The following ARID1A variants were observed in gnomAD, a reference collection of about 807,000 sequenced individuals.
ARID1A encodes AT-rich interaction domain 1A, also known as AT-rich interactive domain-containing protein 1A.
A neutral mutation model predicts 212.6 loss-of-function variants in ARID1A; 20 were observed. The ratio of observed to expected loss-of-function variants is 0.09; its 90% CI spans 0.07 to 0.14. The LOEUF (loss-of-function observed/expected upper bound fraction) is 0.14. ARID1A is among the 10% of genes least tolerant of loss of function. The pLI is 1.00. For missense variants in ARID1A, 2,587 were observed against 3,059.0 expected, an observed-to-expected ratio of 0.85 and a Z score of 3.64; for synonymous variants, 1,376 against 1,222.1, an observed-to-expected ratio of 1.13 and a Z score of -2.63.
At chr1:26,728,774 T>C (rs577252880) in intron 1 of ARID1A, 8 of 152,260 alleles carry the variant, frequency 5.3e-5, no homozygotes, top group East Asian at 3.9e-4. Context: ...CCAATAGATA[T>C]AGGTAGATAT....
At chr1:26,743,565 G>A (rs112215611) in intron 4 of ARID1A, among the ~76,000 whole-genome samples, 2 of 151,986 alleles carry the variant, frequency 1.3e-5, no homozygotes, top group Admixed American at 6.6e-5. Flanking sequence ...GCTGGGCACG[G>A]TGGCTCACAC....
In ARID1A at chr1:26,762,351, G is replaced by T. The variant is rs748980140; in HGVS notation, c.2419+32G>T. ...ATACTACCCAGTTAGGAGTAGATACGGGTGAGAGGAGAAAACAGTTCCTTG... is the reference window on the plus strand; with the variant it reads ...ATACTACCCAGTTAGGAGTAGATACTGGTGAGAGGAGAAAACAGTTCCTTG... On this transcript the variant is annotated intron_variant, in intron 7 of 19. Coordinates refer to ENST00000324856, the MANE Select transcript of ARID1A (RefSeq NM_006015.6). 124 of 1,594,742 alleles carry T rather than the reference G, an allele frequency of 7.8e-5. 1 individual carries two copies. In the South Asian group the frequency reaches 1.3e-3, roughly 17 times the overall value.
chr1:26,746,144 T>G (rs570843891), intron 4 of ARID1A, among the ~76,000 whole-genome samples: 3 of 152,178 alleles, frequency 2.0e-5, no homozygotes, highest in Non-Finnish European at 4.4e-5. Context: ...TGAACAGATA[T>G]GAGGTTGAGA....
At chr1:26,702,751 A>G (rs2080343264) in intron 1 of ARID1A, among the ~76,000 whole-genome samples, 1 of 152,166 alleles carries the variant, frequency 6.6e-6, no homozygotes, top group Non-Finnish European at 1.5e-5. Context: ...AAAAAAATTG[A>G]AATGGAAAGA....
At chr1:26,718,633 A>C (rs1284011056) in intron 1 of ARID1A, among the ~76,000 whole-genome samples, 1 of 152,300 alleles carries the variant, frequency 6.6e-6, no homozygotes, top group African/African-American at 2.4e-5. Context: ...AATCATCTCT[A>C]GATTACTTAT....
At chr1:26,699,964 T>C (rs1237652250) in intron 1 of ARID1A, among the ~76,000 whole-genome samples, 2 of 152,202 alleles carry the variant, frequency 1.3e-5, no homozygotes, top group African/African-American at 4.8e-5. Flanking sequence ...TGGATGCCTG[T>C]CTGTGCTGCC....
At position 26,774,495 on chromosome 1, in the gene ARID1A, C is replaced by T; in HGVS notation, c.4268C>T (p.Pro1423Leu). 1.2e-6 allele frequency: 2 copies of T among 1,613,640 alleles called. No homozygotes were observed. Among genetic ancestry groups the T allele is most frequent in the East Asian group, 2.2e-5 (1 of 44,870 alleles). ...CAGCAACAAGCTGCCCAGCCTTCCC[C>T]TCAGCAAGATGTATACAACCAGTAT... Reference protein sequence around the residue: ...ASQQQAAQPSPQQDVYNQYGN... With the variant: ...ASQQQAAQPSLQQDVYNQYGN... The change falls in exon 18 of 20, where the codon CCT becomes CTT. Residue 1423 changes from proline to leucine, a missense_variant. Transcript: ENST00000324856. This position sits in a 1 kb window ranked among gnomAD's most constrained non-coding sequence, Gnocchi z 5.6.
chr1:26,712,847 G>C (rs558312221), intron 1 of ARID1A, among the ~76,000 whole-genome samples: 38 of 152,358 alleles, frequency 2.5e-4, no homozygotes, highest in African/African-American at 7.9e-4. Flanking sequence ...GCACAGATGT[G>C]GGAGTTACAG....
intron 1 of ARID1A, among the ~76,000 whole-genome samples, chr1:26,702,484 G>A (rs187192397): frequency 3.9e-5 from 6 of 152,192 alleles, no homozygotes; most frequent in African/African-American, 9.7e-5. Context: ...ATCTTCTATC[G>A]TCTCTGAAGG....
chr1:26,773,580 G>T lies in ARID1A; in HGVS notation c.3867G>T (p.Arg1289Ser), dbSNP rs2124112413. ...AATCTGCCTCTCCAATTTTGTTTAGGACGGAGCCTGGAATAGGGCCTGAGG... is the reference window on the plus strand; with the variant it reads ...AATCTGCCTCTCCAATTTTGTTTAGTACGGAGCCTGGAATAGGGCCTGAGG... Reference protein sequence around the residue: ...YPYGGPYDRVRTEPGIGPEGN... With the variant: ...YPYGGPYDRVSTEPGIGPEGN... The change falls in exon 16 of 20, where the codon AGG becomes AGT. Residue 1289 changes from arginine to serine, a missense_variant and splice_region_variant. By Grantham distance (110) the Arg-to-Ser change is moderately radical. Transcript: ENST00000324856. 6.2e-7 allele frequency: 1 copy of T among 1,614,190 alleles called. No individual in the cohort carries two copies. Among genetic ancestry groups the T allele is most frequent in the African/African-American group, 1.3e-5 (1 of 75,046 alleles).
chr1:26,746,334 C>G (rs747672595), intron 4 of ARID1A, among the ~76,000 whole-genome samples: 4 of 152,150 alleles, frequency 2.6e-5, no homozygotes, highest in Non-Finnish European at 4.4e-5. Context: ...TCACCTTCAC[C>G]TATTCCCCCT....
intron 8 of ARID1A, 109 bp downstream of exon 8, chr1:26,763,394 T>A (rs1429583718): frequency 7.8e-7 from 1 of 1,286,090 alleles, no homozygotes; most frequent in Non-Finnish European, 1.1e-6. Flanking sequence ...AATGGGTGTG[T>A]GTGTATGAAG....
intron 1 of ARID1A, among the ~76,000 whole-genome samples, chr1:26,707,488 T>TGC (rs2124758511): frequency 6.6e-6 from 1 of 152,084 alleles, no homozygotes; most frequent in African/African-American, 2.4e-5. Context: ...ATTACAGGCA[T>TGC]AAGCCACCAC....
intron 4 of ARID1A, among the ~76,000 whole-genome samples, chr1:26,755,909 A>AT (rs1012836302): frequency 4.0e-5 from 6 of 151,528 alleles, no homozygotes; most frequent in East Asian, 3.9e-4. Context: ...ACACCTGGCT[A>AT]TTTTTTTGTG....
rs2124123407 is a variant in ARID1A, at chr1:26,775,117, G to A, written c.4890G>A (p.Val1630=). ...CCTCGCACATAGCACCTGCCCCTGT[G>A]CAGCCCCCCATGATTCGGCGGGATA... ...VPASHIAPAP[V]QPPMIRRDIT... is the part of the protein sequence containing the mutation. The change falls in exon 18 of 20, where the codon GTG becomes GTA. Residue 1630 remains valine (V), a synonymous_variant. Transcript: ENST00000324856. 3.1e-6 allele frequency: 5 copies of A among 1,613,856 alleles called. No homozygotes were observed. The highest frequency in any genetic ancestry group is 2.5e-6 in the Non-Finnish European group (3 of 1,179,940).
At chr1:26,763,377 G>T in intron 8 of ARID1A, 92 bp downstream of exon 8, 1 of 1,364,118 alleles carries the variant, frequency 7.3e-7, no homozygotes, top group Non-Finnish European at 9.8e-7. Context: ...CTAAACCAGG[G>T]GGGGAAAATG....
intron 3 of ARID1A, among the ~76,000 whole-genome samples, chr1:26,731,994 C>T (rs1448095760): frequency 6.6e-6 from 1 of 152,094 alleles, no homozygotes; most frequent in East Asian, 1.9e-4. Flanking sequence ...ACATTCACTC[C>T]AACTGCCATT....
At chr1:26,773,096 T>G in intron 14 of ARID1A, 109 bp downstream of exon 14, 1 of 1,440,580 alleles carries the variant, frequency 6.9e-7, no homozygotes, top group Non-Finnish European at 9.4e-7. Flanking sequence ...TCCTCTGAGA[T>G]AATGCATTTC....
Position 26,781,924 on chromosome 1 carries a change from A to G in ARID1A, c.*1168A>G, listed in dbSNP as rs1044541667. 3.4e-5 allele frequency: 8 copies of G among 233,588 alleles called. No individual in the cohort carries two copies. Among genetic ancestry groups the G allele is most frequent in the African/African-American group, 4.4e-5 (2 of 45,360 alleles). 14.5% of individuals were successfully genotyped at this position (233,588 alleles called of 1,614,324 possible). On this transcript the variant is annotated 3_prime_UTR_variant, in exon 20 of 20. Transcript: ENST00000324856. Reference sequence around the variant, plus strand: ...TCAGTTGAAGTTCTGATGAAGAAACACAATTGAGATTTTTTCAGTGATAAA... The same window carrying G: ...TCAGTTGAAGTTCTGATGAAGAAACGCAATTGAGATTTTTTCAGTGATAAA...
Sources: allele counts gnomAD v4.1 joint callset (sites outside exome capture counted in the v4.1 genomes callset), GRCh38; gene constraint gnomAD v4.1.1; non-coding constraint Gnocchi (gnomAD v3.1); transcripts MANE v1.5; gene names NCBI Gene and HGNC (gene_info 2026-07-23, HGNC 2026-07-21).